Variants in DNAH9 observed in about 807,000 individuals in gnomAD.
DNAH9 encodes the protein DNAH9 variant protein.
A neutral mutation model predicts 471.6 loss-of-function variants in DNAH9; 345 were observed. The ratio of observed to expected loss-of-function variants is 0.73; its 90% CI spans 0.67 to 0.80. DNAH9 has a LOEUF of 0.80. Ranked by LOEUF, DNAH9 falls within the 30% of genes least tolerant of loss-of-function variation. The pLI is 0.00. For synonymous variants in DNAH9, 2,093 were observed against 2,123.6 expected, an observed-to-expected ratio of 0.99 and a Z score of 0.40; for missense variants, 5,407 against 5,609.2, an observed-to-expected ratio of 0.96 and a Z score of 1.15.
intron 33 of DNAH9, among the ~76,000 whole-genome samples, chr17:11,754,448 G>A (rs938070394): frequency 6.6e-6 from 1 of 152,306 alleles, no homozygotes; most frequent in South Asian, 2.1e-4. Flanking sequence ...CACCAACAGT[G>A]TATAAATGTG....
At chr17:11,793,355 C>A in intron 41 of DNAH9, 148 bp from the exon 42 acceptor site, 1 of 647,256 alleles carries the variant, frequency 1.5e-6, no homozygotes, top group Non-Finnish European at 2.5e-6. Context: ...TTCAGCTTCT[C>A]AGTGTTCCCT....
intron 19 of DNAH9, among the ~76,000 whole-genome samples, chr17:11,687,802 G>A (rs2074264662): frequency 6.6e-6 from 1 of 152,008 alleles, no homozygotes; most frequent in East Asian, 1.9e-4. Context: ...AAATGAGAGG[G>A]TCCTTGAACA....
intron 27 of DNAH9, among the ~76,000 whole-genome samples, chr17:11,719,733 A>G (rs2075022713): frequency 6.6e-6 from 1 of 152,184 alleles, no homozygotes; most frequent in African/African-American, 2.4e-5. Context: ...TCATTCCACC[A>G]ATGAGCTCTG....
intron 10 of DNAH9, among the ~76,000 whole-genome samples, chr17:11,640,767 G>T (rs1284440951): frequency 2.6e-5 from 4 of 152,136 alleles, no homozygotes; most frequent in Admixed American, 1.3e-4. Flanking sequence ...TGCAGTATGA[G>T]GTCTCTGTCC....
At chr17:11,712,003 T>TATATAAATTTATATATAA in intron 26 of DNAH9, among the ~76,000 whole-genome samples, 1 of 1,922 alleles carries the variant, frequency 5.2e-4, no homozygotes, top group Non-Finnish European at 5.3e-3. Flanking sequence ...TATATATATT[T>TATATAAATTTATATATAA]GTATATATAT....
At chr17:11,948,801 C>T (rs566964111) in intron 67 of DNAH9, among the ~76,000 whole-genome samples, 6 of 152,178 alleles carry the variant, frequency 3.9e-5, no homozygotes, top group Non-Finnish European at 8.8e-5. Context: ...GAAAGCTCCT[C>T]GCCAAGAACA....
chr17:11,871,932 C>T (rs1354000453), intron 52 of DNAH9, 146 bp downstream of exon 52: 4 of 852,994 alleles, frequency 4.7e-6, no homozygotes, highest in South Asian at 3.4e-5. Context: ...CCTGCGTACC[C>T]GTGTCCTTCC....
intron 28 of DNAH9, among the ~76,000 whole-genome samples, chr17:11,729,085 C>T (rs961503808): frequency 2.0e-5 from 3 of 152,182 alleles, no homozygotes; most frequent in African/African-American, 7.2e-5. Context: ...CCCCCAGAGA[C>T]ATCTGGGAGG....
intron 19 of DNAH9, among the ~76,000 whole-genome samples, chr17:11,683,974 G>A (rs1418060951): frequency 1.3e-5 from 2 of 152,188 alleles, no homozygotes; most frequent in African/African-American, 4.8e-5. Context: ...TGGTGTGTGT[G>A]AGTGTTCAAA....
rs778741343 is a variant in DNAH9 at position 11,920,620 on chromosome 17, C to CAAAAAAAAAAA, written c.11750-3189_11750-3179dup. 1.1e-4 allele frequency among the ~76,000 whole-genome samples: 7 copies of CAAAAAAAAAAA among 61,962 alleles called. No individual in the cohort carries two copies. The East Asian group carries it at 1.4e-3, about 12-fold the overall frequency. The allele number at this position is 61,962 out of a possible 152,430, so 40.6% of individuals were successfully genotyped here. On this transcript the variant is annotated intron_variant, in intron 61 of 68. Coordinates refer to ENST00000262442, the MANE Select transcript of DNAH9 (RefSeq NM_001372.4). ...TGGGCGACAGAGCAAGACTCCATCT[C>CAAAAAAAAAAA]AAAAAAAAAAAAAAAGAAAAGAAAA... is the stretch of plus-strand genomic sequence containing the variant.
At chr17:11,600,214 G>A (rs1296626442) in intron 1 of DNAH9, among the ~76,000 whole-genome samples, 1 of 152,202 alleles carries the variant, frequency 6.6e-6, no homozygotes, top group East Asian at 1.9e-4. Context: ...ACTTAGATCA[G>A]CTTCTCTAAT....
chr17:11,890,183 A>G (rs1973004735), intron 57 of DNAH9, among the ~76,000 whole-genome samples: 1 of 152,158 alleles, frequency 6.6e-6, no homozygotes, highest in South Asian at 2.1e-4. Flanking sequence ...AAGCCATAGT[A>G]ACTGCCAGGA....
intron 49 of DNAH9, among the ~76,000 whole-genome samples, chr17:11,847,995 G>A (rs145114021): frequency 2.0e-4 from 31 of 151,708 alleles, no homozygotes; most frequent in South Asian, 1.3e-3. Flanking sequence ...TCCAGGTTCT[G>A]CTAACCCCTC....
At chr17:11,770,785 A>G (rs1968176035) in intron 38 of DNAH9, among the ~76,000 whole-genome samples, 1 of 152,220 alleles carries the variant, frequency 6.6e-6, no homozygotes, top group Non-Finnish European at 1.5e-5. Flanking sequence ...AACAAGCATG[A>G]CATACTTTTA....
intron 10 of DNAH9, 95 bp from the exon 11 acceptor site, chr17:11,644,536 A>G (rs2073341870): frequency 1.1e-6 from 1 of 880,920 alleles, no homozygotes; most frequent in African/African-American, 1.7e-5. Flanking sequence ...CCAAGGAGCT[A>G]TTCACGCTCT....
Position 11,923,862 on chromosome 17 carries a change from C to A in DNAH9, c.11798C>A (p.Ser3933Tyr). The part of the protein sequence containing the change: ...TFNNQNFHNV[S>Y]LGQGQEVVAE... The stretch of plus-strand genomic sequence containing the variant: ...AACAATCAGAACTTTCACAACGTGT[C>A]TTTGGGGCAAGGACAGGAAGTGGTG... Residue 3933 changes from serine to tyrosine, a missense_variant, in exon 62 of 69, where the codon TCT (serine) becomes TAT (tyrosine). This residue lies in a region of DNAH9 where 4,636 missense variants were observed against 4,900.3 expected (regional missense o/e 0.95). Transcript: ENST00000262442. 6.2e-7 allele frequency: 1 copy of A among 1,614,070 alleles called. No homozygotes were observed. The highest frequency in any genetic ancestry group is 8.5e-7 in the Non-Finnish European group (1 of 1,179,992).
In DNAH9 at chr17:11,626,746, A is replaced by G. The variant is rs781521505; in HGVS notation, c.1351-2671A>G. On this transcript the variant is annotated intron_variant, in intron 6 of 68. Coordinates refer to ENST00000262442, the MANE Select transcript of DNAH9 (RefSeq NM_001372.4). This position sits in a 1 kb window ranked among gnomAD's most constrained non-coding sequence, Gnocchi z 4.3. ...TGACCAGGGTCCTATGGACATTGAA[A>G]TGTCCTTCCTTATAATTCTCTTCTC... is the stretch of plus-strand genomic sequence containing the variant. Among the ~76,000 whole-genome samples the G allele has an allele frequency of 2.6e-5, 4 of 152,148 alleles. No individual in the cohort carries two copies. The highest frequency in any genetic ancestry group is 2.1e-4 in the South Asian group (1 of 4,822).
At chr17:11,721,053 A>T (rs1379361842) in intron 27 of DNAH9, among the ~76,000 whole-genome samples, 1 of 152,096 alleles carries the variant, frequency 6.6e-6, no homozygotes, top group Non-Finnish European at 1.5e-5. Flanking sequence ...AGAAACACTC[A>T]TTTGGATGTA....
At chr17:11,614,563 G>A (rs2072703419) in intron 4 of DNAH9, among the ~76,000 whole-genome samples, 1 of 152,202 alleles carries the variant, frequency 6.6e-6, no homozygotes, top group African/African-American at 2.4e-5. Flanking sequence ...AAGTTTCTGA[G>A]TCCATTTGTG....
Sources: allele counts gnomAD v4.1 joint callset (sites outside exome capture counted in the v4.1 genomes callset), GRCh38; gene constraint gnomAD v4.1.1; regional missense constraint gnomAD v4.1.1; non-coding constraint Gnocchi (gnomAD v3.1); transcripts MANE v1.5; gene names NCBI Gene and HGNC (gene_info 2026-07-23, HGNC 2026-07-21).